Variants in AK8 observed in about 807,000 individuals in gnomAD.
AK8 encodes adenylate kinase 8, also known as ATP-AMP transphosphorylase 8.
In AK8, 44 loss-of-function variants were observed where a neutral mutation model predicts 54.6. That is an observed-to-expected ratio of 0.81 (90% CI 0.63 to 1.04). The LOEUF (loss-of-function observed/expected upper bound fraction) is 1.04. Among genes scored for constraint, AK8 ranks in the 50% least tolerant of loss-of-function variants. AK8 has a pLI of 0.00. For synonymous variants in AK8, 239 were observed against 245.6 expected (o/e 0.97, Z 0.25); for missense variants, 555 against 613.6 (o/e 0.90, Z 1.01).
chr9:132,725,968 G>C (rs576472974), intron 12 of AK8, 43 bp from the exon 13 acceptor site: 1 of 1,571,406 alleles, frequency 6.4e-7, no homozygotes, highest in Non-Finnish European at 8.7e-7. Context: ...GGCCTGGCCT[G>C]GAAGCAGGGG....
At chr9:132,846,504 GATGAATGAATGAATGA>G (rs56358230) in intron 5 of AK8, among the ~76,000 whole-genome samples, 61,415 of 150,920 alleles carry the variant, frequency 0.41, 13,957 homozygotes, top group South Asian at 0.58. Flanking sequence ...TGAGAGAATA[GATGAATGAATGAATGA>G]ATGAATGAAT....
chr9:132,741,187 C>T (rs1325175311), intron 11 of AK8, among the ~76,000 whole-genome samples: 4 of 152,222 alleles, frequency 2.6e-5, no homozygotes, highest in East Asian at 3.9e-4. Flanking sequence ...CACAGGAGCA[C>T]ACTTTAAAAA....
At chr9:132,872,638 A>ATT (rs34579665) in intron 2 of AK8, among the ~76,000 whole-genome samples, 13 of 146,092 alleles carry the variant, frequency 8.9e-5, no homozygotes, top group African/African-American at 3.3e-4. Context: ...TTTCAAGCAC[A>ATT]TTTTTTTTTT....
rs768709977 is a variant in AK8 at position 132,854,850 on chromosome 9, G to T, written c.402+7C>A. The T allele has an allele frequency of 1.2e-6, 2 of 1,614,028 alleles. No homozygotes were observed. The highest frequency in any genetic ancestry group is 1.7e-6 in the Non-Finnish European group (2 of 1,180,014). On this transcript the variant is annotated splice_region_variant and intron_variant, in intron 5 of 12. Coordinates refer to ENST00000298545, the MANE Select transcript of AK8 (RefSeq NM_152572.3). ...GCACTGAAACCCCTAGCTCACTGGA[G>T]TCTTACCTGCTTGATGCAATCCTCT... is the stretch of plus-strand genomic sequence containing the variant.
chr9:132,726,707 G>A (rs1285762046), intron 12 of AK8, among the ~76,000 whole-genome samples: 4 of 152,208 alleles, frequency 2.6e-5, no homozygotes, highest in Non-Finnish European at 5.9e-5. Context: ...GAGGGAGTGG[G>A]ACATTACAGC....
chr9:132,794,625 G>C (rs1413638309), intron 10 of AK8, among the ~76,000 whole-genome samples: 1 of 152,186 alleles, frequency 6.6e-6, no homozygotes, highest in Admixed American at 6.5e-5. Context: ...TAATAACAAA[G>C]AACCATGTCT....
At chr9:132,757,488 A>T (rs925496908) in intron 11 of AK8, among the ~76,000 whole-genome samples, 4 of 152,244 alleles carry the variant, frequency 2.6e-5, no homozygotes, top group Non-Finnish European at 2.9e-5. Context: ...CTGTATGGGA[A>T]ATACAGAAAG....
intron 4 of AK8, among the ~76,000 whole-genome samples, chr9:132,857,561 C>T (rs1588221223): frequency 6.6e-6 from 1 of 152,176 alleles, no homozygotes; most frequent in East Asian, 1.9e-4. Flanking sequence ...CATCCTTTCC[C>T]AGCCCCTCAG....
At position 132,725,748 on chromosome 9, in the gene AK8, G is replaced by T; in HGVS notation, c.1380C>A (p.Tyr460Ter). 1 of 1,594,442 alleles carries T rather than the reference G, an allele frequency of 6.3e-7. No homozygotes were observed. The highest frequency in any genetic ancestry group is 8.5e-7 in the Non-Finnish European group (1 of 1,170,626). Residue 460 changes from tyrosine (Y) to a stop codon, truncating the protein, a stop_gained, in exon 13 of 13, where the codon TAC (tyrosine) becomes TAA (stop). Coordinates refer to ENST00000298545, the MANE Select transcript of AK8 (RefSeq NM_152572.3). LOFTEE classifies it high-confidence loss of function. ...CACTCTCGATGTATTCGAAGACTGTGTATGGGTCCTGGTCCCCATTGAGGG... is the reference window on the plus strand; with the variant it reads ...CACTCTCGATGTATTCGAAGACTGTTTATGGGTCCTGGTCCCCATTGAGGG... ...AITLNGDQDP[Y>*]TVFEYIESGI...
chr9:132,869,940 T>C (rs1034476127), intron 2 of AK8, among the ~76,000 whole-genome samples: 4 of 152,166 alleles, frequency 2.6e-5, no homozygotes, highest in African/African-American at 9.7e-5. Context: ...GGTCCACTCA[T>C]GCACCATCGC....
chr9:132,795,129 T>A (rs1840103927), intron 10 of AK8, among the ~76,000 whole-genome samples: 1 of 152,182 alleles, frequency 6.6e-6, no homozygotes, highest in African/African-American at 2.4e-5. Flanking sequence ...GACAGAGACC[T>A]CCAGAGAGAC....
chr9:132,772,057 C>A (rs1839004159), intron 11 of AK8, among the ~76,000 whole-genome samples: 1 of 152,144 alleles, frequency 6.6e-6, no homozygotes, highest in African/African-American at 2.4e-5. Flanking sequence ...GAAGGACCTG[C>A]CCCCATGATT....
intron 10 of AK8, among the ~76,000 whole-genome samples, chr9:132,809,463 C>T (rs901131327): frequency 6.6e-6 from 1 of 152,158 alleles, no homozygotes; most frequent in Non-Finnish European, 1.5e-5. Flanking sequence ...CCCATCCTCC[C>T]GCTGGCAGGC....
At chr9:132,764,932 T>C (rs1286452036) in intron 11 of AK8, among the ~76,000 whole-genome samples, 1 of 152,138 alleles carries the variant, frequency 6.6e-6, no homozygotes, top group Non-Finnish European at 1.5e-5. Flanking sequence ...GCCAACATCC[T>C]TGATGGACAC....
intron 2 of AK8, among the ~76,000 whole-genome samples, chr9:132,873,611 G>C (rs189626995): frequency 2.0e-5 from 3 of 151,972 alleles, no homozygotes; most frequent in Admixed American, 6.6e-5. Flanking sequence ...TTCCCTTTGC[G>C]GTCCATTCTT....
At chr9:132,816,780 T>C (rs1841348992) in intron 9 of AK8, among the ~76,000 whole-genome samples, 1 of 152,212 alleles carries the variant, frequency 6.6e-6, no homozygotes, top group African/African-American at 2.4e-5. Context: ...CCTGGATTTC[T>C]ACCTATGGGC....
chr9:132,797,490 CGT>C (rs1564406192), intron 10 of AK8, among the ~76,000 whole-genome samples: 1 of 152,120 alleles, frequency 6.6e-6, no homozygotes, highest in African/African-American at 2.4e-5. Context: ...TTCATCTCTA[CGT>C]GATCACCCAC....
chr9:132,858,248 G>A lies in AK8; in HGVS notation c.334-3323C>T, dbSNP rs559717316. Among the ~76,000 whole-genome samples the A allele has an allele frequency of 9.9e-5, 15 of 152,200 alleles. No homozygotes were observed. In the South Asian group the frequency reaches 1.2e-3, roughly 13 times the overall value. On this transcript the variant is annotated intron_variant, in intron 4 of 12. Transcript: ENST00000298545. Reference sequence around the variant, plus strand: ...CCAGTGCGGCTTTGGTGGGTTTCCCGGCCTGGGGGCAGACTCGCTGATCTC... The same window carrying A: ...CCAGTGCGGCTTTGGTGGGTTTCCCAGCCTGGGGGCAGACTCGCTGATCTC...
intron 11 of AK8, among the ~76,000 whole-genome samples, chr9:132,773,981 C>CG (rs375893793): frequency 9.2e-5 from 14 of 152,156 alleles, no homozygotes; most frequent in African/African-American, 2.9e-4. Context: ...AGGGGGGAGA[C>CG]GGGAGTGGTA....
Sources: gnomAD v4.1 joint callset for allele counts (sites outside exome capture counted in the v4.1 genomes callset) on GRCh38, gnomAD v4.1.1 for gene constraint, MANE v1.5 for transcripts, NCBI Gene and HGNC (gene_info 2026-07-23, HGNC 2026-07-21) for gene names.